The following MLIP variants were observed in gnomAD, a reference collection of about 807,000 sequenced individuals.
MLIP encodes muscular LMNA-interacting protein.
MLIP carries 79 observed loss-of-function variants against 84.8 expected under a neutral mutation model. The ratio of observed to expected loss-of-function variants is 0.93; its 90% CI spans 0.78 to 1.12. MLIP has a LOEUF of 1.12. Ranked by LOEUF, MLIP falls within the 50% of genes most tolerant of loss-of-function variation. The probability of loss-of-function intolerance (pLI) is 0.00; values close to 1 mark genes in which losing one functional copy is unlikely to be tolerated. For missense variants in MLIP, 1,257 were observed against 1,160.6 expected (o/e 1.08, Z -1.21); for synonymous variants, 504 against 463.0 (o/e 1.09, Z -1.14).
intron 9 of MLIP, among the ~76,000 whole-genome samples, chr6:54,176,007 T>A (rs1477374556): frequency 6.6e-6 from 1 of 152,114 alleles, no homozygotes; most frequent in African/African-American, 2.4e-5. Context: ...TGTCATTTAT[T>A]TTGTTAATAT....
intron 9 of MLIP, among the ~76,000 whole-genome samples, chr6:54,187,339 AAGAACATC>A (rs1777494248): frequency 6.6e-6 from 1 of 152,222 alleles, no homozygotes; most frequent in Non-Finnish European, 1.5e-5. Context: ...AAAATAACTA[AAGAACATC>A]ATGAGGGAGG....
At chr6:54,082,027 T>A (rs1767192274) in intron 1 of MLIP, among the ~76,000 whole-genome samples, 1 of 152,164 alleles carries the variant, frequency 6.6e-6, no homozygotes, top group South Asian at 2.1e-4. Context: ...GTGTTTCTAA[T>A]TCTCATTATA....
At chr6:54,021,445 G>A (rs1763494907) in intron 1 of MLIP, among the ~76,000 whole-genome samples, 1 of 152,016 alleles carries the variant, frequency 6.6e-6, no homozygotes, top group South Asian at 2.1e-4. Context: ...GGGTTTATTT[G>A]AAAAAATTTC....
intron 3 of MLIP, 23 bp downstream of exon 3, chr6:54,124,888 C>A (rs1293652345): frequency 1.3e-6 from 2 of 1,530,784 alleles, no homozygotes; most frequent in Admixed American, 2.2e-5. Flanking sequence ...TTCCTGCTGT[C>A]CATAAGGAAA....
rs1314447888 is a variant in MLIP, at chr6:54,252,131, TA to T, written c.2923-5175del. 8.4e-4 allele frequency among the ~76,000 whole-genome samples: 85 copies of T among 101,250 alleles called. 2 individuals are homozygous for T. Among genetic ancestry groups the T allele is most frequent in the African/African-American group, 3.5e-3 (79 of 22,634 alleles). 66.4% of individuals were successfully genotyped at this position (101,250 alleles called of 152,430 possible). A position where few individuals can be genotyped will look rare whatever the true frequency, so the allele number is the denominator to read the frequency against. On this transcript the variant is annotated intron_variant, in intron 12 of 13. Transcript: ENST00000502396. ...TAATATATAACTATATTATAACATATAATATATAACTATAATATAACATATA... is the reference window on the plus strand; with the variant it reads ...TAATATATAACTATATTATAACATATATATATAACTATAATATAACATATA...
At chr6:54,087,552 T>C (rs1279840957) in intron 1 of MLIP, among the ~76,000 whole-genome samples, 1 of 152,126 alleles carries the variant, frequency 6.6e-6, no homozygotes, top group Non-Finnish European at 1.5e-5. Context: ...CCAACACATT[T>C]CCAGTAAGTC....
intron 1 of MLIP, among the ~76,000 whole-genome samples, chr6:54,064,781 C>T (rs115464184): frequency 0.014 from 1,331 of 97,712 alleles, 209 homozygotes; most frequent in Middle Eastern, 0.067. Context: ...AGGGGGTCTC[C>T]CTATATATAA....
At chr6:54,201,709 A>G (rs892080924) in intron 10 of MLIP, among the ~76,000 whole-genome samples, 1 of 152,168 alleles carries the variant, frequency 6.6e-6, no homozygotes. Flanking sequence ...TTCCAGAAAA[A>G]GAAAGTTGTC....
At chr6:54,186,077 C>CTTCATCATT (rs1274710326) in intron 9 of MLIP, among the ~76,000 whole-genome samples, 62 of 152,292 alleles carry the variant, frequency 4.1e-4, no homozygotes, top group African/African-American at 1.3e-3. Context: ...TTGTTAGACA[C>CTTCATCATT]TGTGTACAAA....
chr6:54,085,443 A>G (rs1352557632), intron 1 of MLIP, among the ~76,000 whole-genome samples: 2 of 152,216 alleles, frequency 1.3e-5, no homozygotes, highest in Non-Finnish European at 2.9e-5. Flanking sequence ...GGATTCCATG[A>G]GAAAGTACTT....
intron 1 of MLIP, among the ~76,000 whole-genome samples, chr6:54,088,650 A>G (rs1428659777): frequency 1.3e-5 from 2 of 152,206 alleles, no homozygotes; most frequent in Non-Finnish European, 2.9e-5. Flanking sequence ...AAAAGCCACA[A>G]TGCTTGAATA....
At chr6:54,191,722 A>G (rs1010675790) in intron 10 of MLIP, among the ~76,000 whole-genome samples, 3 of 152,214 alleles carry the variant, frequency 2.0e-5, no homozygotes, top group African/African-American at 7.2e-5. Context: ...AAGCACTGCA[A>G]TAACATAATG....
intron 1 of MLIP, among the ~76,000 whole-genome samples, chr6:54,038,730 T>C (rs1764583619): frequency 6.6e-6 from 1 of 151,942 alleles, no homozygotes; most frequent in South Asian, 2.1e-4. Flanking sequence ...TGAACTTTTG[T>C]TTTCATTACC....
intron 4 of MLIP, among the ~76,000 whole-genome samples, chr6:54,142,471 G>C (rs1772399630): frequency 6.6e-6 from 1 of 152,158 alleles, no homozygotes; most frequent in South Asian, 2.1e-4. Flanking sequence ...CTCCTTAAGA[G>C]AGTATAGTGA....
chr6:54,028,229 T>C (rs960614980), intron 1 of MLIP, among the ~76,000 whole-genome samples: 15 of 152,334 alleles, frequency 9.8e-5, no homozygotes, highest in South Asian at 6.2e-4. Context: ...AATTTTCTTC[T>C]CAGTTAATGG....
chr6:54,111,518 C>T lies in MLIP; in HGVS notation c.39C>T (p.Asn13=). The T allele has an allele frequency of 6.5e-7, 1 of 1,536,018 alleles. No individual in the cohort carries two copies. The highest frequency in any genetic ancestry group is 1.2e-5 in the South Asian group (1 of 84,058). ...AGGGGCTTCTGAGTGACTGCGGGAA[C>T]AATTACTTCCAAATGACCTCGTGCA... ...SEQGLLSDCG[N]NYFQMTSCIL... is the part of the protein sequence containing the mutation. Residue 13 remains asparagine (N), a synonymous_variant, in exon 1 of 14, where the codon AAC becomes AAT. Coordinates refer to ENST00000502396, the MANE Select transcript of MLIP (RefSeq NM_001281747.2).
rs564102042 is a variant in MLIP, at chr6:54,214,234, C to G, written c.2718+12001C>G. Among the ~76,000 whole-genome samples, 163 of 152,296 alleles carry G rather than the reference C, an allele frequency of 1.1e-3. 2 individuals are homozygous for G. Among genetic ancestry groups the G allele is most frequent in the African/African-American group, 3.9e-3 (162 of 41,560 alleles). On this transcript the variant is annotated intron_variant, in intron 11 of 13. Transcript: ENST00000502396. ...TGACATCTGTCAGAATCCCCTCCCT[C>G]TTTTTGTAAAAGGCTTTCTGCCAAG...
chr6:54,075,704 A>G (rs1310392180), intron 1 of MLIP, among the ~76,000 whole-genome samples: 17 of 152,226 alleles, frequency 1.1e-4, no homozygotes, highest in Admixed American at 1.1e-3. Context: ...AAGTCCAGAT[A>G]TCAGCTCAGA....
At chr6:54,096,018 G>A (rs909989306) in intron 1 of MLIP, among the ~76,000 whole-genome samples, 2 of 151,960 alleles carry the variant, frequency 1.3e-5, no homozygotes, top group African/African-American at 4.8e-5. Context: ...AAGTAAAAAA[G>A]GCATGTTCTG....
Sources: gnomAD v4.1 joint callset for allele counts (sites outside exome capture counted in the v4.1 genomes callset) on GRCh38, gnomAD v4.1.1 for gene constraint, MANE v1.5 for transcripts, NCBI Gene and HGNC (gene_info 2026-07-23, HGNC 2026-07-21) for gene names.